Variants in GTF2A1L observed in about 807,000 individuals in gnomAD.
GTF2A1L encodes the protein TFIIA-alpha and beta-like factor.
A neutral mutation model predicts 49.7 loss-of-function variants in GTF2A1L; 48 were observed. The observed-to-expected ratio is 0.97, with a 90% CI of 0.77 to 1.23. The LOEUF (loss-of-function observed/expected upper bound fraction) is 1.23, where lower values mean the gene tolerates loss of function less well. Among genes scored for constraint, GTF2A1L ranks in the 50% most tolerant of loss-of-function variants. The probability of loss-of-function intolerance (pLI) is 0.00; values close to 1 mark genes in which losing one functional copy is unlikely to be tolerated. For missense variants in GTF2A1L, 736 were observed against 564.8 expected (o/e 1.30, Z -3.07); for synonymous variants, 246 against 193.5 (o/e 1.27, Z -2.25).
chr2:48,638,987 G>T (rs1180306762), intron 3 of GTF2A1L, among the ~76,000 whole-genome samples: 4 of 151,898 alleles, frequency 2.6e-5, no homozygotes, highest in African/African-American at 9.7e-5. Context: ...TAGCAATACA[G>T]CTAACCAGGG....
At chr2:48,657,776 G>C (rs1290391380) in intron 6 of GTF2A1L, among the ~76,000 whole-genome samples, 1 of 136,848 alleles carries the variant, frequency 7.3e-6, no homozygotes, top group African/African-American at 2.7e-5. Context: ...TTTTTTTTTT[G>C]ACTTTTTAAT....
intron 3 of GTF2A1L, chr2:48,633,165 G>A (rs940781783): frequency 8.8e-6 from 2 of 226,792 alleles, no homozygotes; most frequent in Non-Finnish European, 1.9e-5. Context: ...AGTGATTAAT[G>A]TGCTTTCGGT....
At chr2:48,651,490 T>A (rs1677844916) in intron 6 of GTF2A1L, among the ~76,000 whole-genome samples, 1 of 151,444 alleles carries the variant, frequency 6.6e-6, no homozygotes, top group Non-Finnish European at 1.5e-5. Context: ...TAATGAAAAG[T>A]TTGGTTAGTA....
intron 3 of GTF2A1L, 41 bp downstream of exon 3, chr2:48,621,331 GAA>G (rs1484184418): frequency 6.2e-7 from 1 of 1,612,540 alleles, no homozygotes. Flanking sequence ...AGTATCTTCA[GAA>G]CAAATTCTCA....
At chr2:48,655,119 A>G (rs1678098197) in intron 6 of GTF2A1L, among the ~76,000 whole-genome samples, 1 of 152,098 alleles carries the variant, frequency 6.6e-6, no homozygotes, top group Non-Finnish European at 1.5e-5. Context: ...GAGTCTTCCA[A>G]TTCATGGACA....
intron 6 of GTF2A1L, among the ~76,000 whole-genome samples, chr2:48,656,828 G>C (rs75965013): frequency 2.0e-5 from 3 of 151,966 alleles, no homozygotes; most frequent in Non-Finnish European, 4.4e-5. Flanking sequence ...TATAGTTTTA[G>C]TTCTTATCTT....
rs1265503661 is a variant in GTF2A1L, at chr2:48,624,153, C to A, written c.247+2863C>A. Among the ~76,000 whole-genome samples, 2 of 112,688 alleles carry A rather than the reference C, an allele frequency of 1.8e-5. 1 individual carries two copies. Among genetic ancestry groups the A allele is most frequent in the Non-Finnish European group, 4.3e-5 (2 of 46,282 alleles). The allele number at this position is 112,688 out of a possible 152,430, so 73.9% of individuals were successfully genotyped here. ...CTCTACTTTGTTTGGTCTCAGGACC[C>A]CTTTAAGCTCATAAAAATTAAGGAC... is the stretch of plus-strand genomic sequence containing the variant. On this transcript the variant is annotated intron_variant, in intron 3 of 8. Transcript: ENST00000403751.
At chr2:48,634,098 G>A (rs1162065728) in intron 3 of GTF2A1L, among the ~76,000 whole-genome samples, 1 of 151,962 alleles carries the variant, frequency 6.6e-6, no homozygotes, top group African/African-American at 2.4e-5. Flanking sequence ...TACATTCAAG[G>A]TTAATATTGA....
At chr2:48,661,100 T>C (rs560774087) in intron 6 of GTF2A1L, among the ~76,000 whole-genome samples, 1 of 152,218 alleles carries the variant, frequency 6.6e-6, no homozygotes, top group East Asian at 1.9e-4. Context: ...CATTATTATT[T>C]ATTTCATTCT....
At chr2:48,620,729 T>A (rs41281477) in intron 1 of GTF2A1L, 122 bp from the exon 2 acceptor site, 106,312 of 508,088 alleles carry the variant, frequency 0.21, 11,830 homozygotes, top group South Asian at 0.26. Context: ...GTGAACTGAG[T>A]TCGTGCCACC....
At chr2:48,633,605 ATTG>A (rs1455578466) in intron 3 of GTF2A1L, among the ~76,000 whole-genome samples, 1 of 152,208 alleles carries the variant, frequency 6.6e-6, no homozygotes, top group African/African-American at 2.4e-5. Flanking sequence ...TGAGAAAAGT[ATTG>A]TTCTATGGCC....
At chr2:48,641,031 T>C (rs1677170249) in intron 3 of GTF2A1L, among the ~76,000 whole-genome samples, 1 of 152,196 alleles carries the variant, frequency 6.6e-6, no homozygotes, top group South Asian at 2.1e-4. Context: ...TTTATTTAAA[T>C]ATAGAGAATT....
intron 8 of GTF2A1L, among the ~76,000 whole-genome samples, chr2:48,678,441 A>C (rs965425959): frequency 6.6e-6 from 1 of 152,178 alleles, no homozygotes; most frequent in East Asian, 1.9e-4. Context: ...GCTTCACAAA[A>C]TGCATCTGAA....
intron 5 of GTF2A1L, among the ~76,000 whole-genome samples, chr2:48,646,024 A>G (rs1677483827): frequency 6.6e-6 from 1 of 151,294 alleles, no homozygotes; most frequent in African/African-American, 2.4e-5. Context: ...AAATCATTAA[A>G]CTCTCTTTTG....
At chr2:48,637,890 G>A (rs1676991781) in intron 3 of GTF2A1L, among the ~76,000 whole-genome samples, 1 of 151,674 alleles carries the variant, frequency 6.6e-6, no homozygotes, top group Admixed American at 6.6e-5. Context: ...AGAAATGAAG[G>A]GAGTGTTACC....
intron 6 of GTF2A1L, among the ~76,000 whole-genome samples, chr2:48,653,032 A>G (rs1677951556): frequency 6.6e-6 from 1 of 151,838 alleles, no homozygotes; most frequent in Non-Finnish European, 1.5e-5. Flanking sequence ...GATCAAGATC[A>G]TTCTGGCTAA....
intron 6 of GTF2A1L, among the ~76,000 whole-genome samples, chr2:48,653,607 T>C (rs1677991074): frequency 1.3e-5 from 2 of 152,174 alleles, no homozygotes; most frequent in Admixed American, 1.3e-4. Flanking sequence ...TATTTACCAG[T>C]TTGACATTTG....
At chr2:48,638,833 C>T (rs889205287) in intron 3 of GTF2A1L, among the ~76,000 whole-genome samples, 8 of 152,098 alleles carry the variant, frequency 5.3e-5, no homozygotes, top group Admixed American at 2.0e-4. Context: ...TCTATAGTCT[C>T]GGCCGAAAAG....
chr2:48,657,791 T>A (rs540651036), intron 6 of GTF2A1L, among the ~76,000 whole-genome samples: 13 of 151,930 alleles, frequency 8.6e-5, no homozygotes, highest in Middle Eastern at 3.4e-3. Flanking sequence ...TTTAATAATA[T>A]CCATTCTGAC....
Sources: gnomAD v4.1 joint callset for allele counts (sites outside exome capture counted in the v4.1 genomes callset) on GRCh38, gnomAD v4.1.1 for gene constraint, MANE v1.5 for transcripts, NCBI Gene and HGNC (gene_info 2026-07-23, HGNC 2026-07-21) for gene names.